The following CNTNAP2 variants were observed in gnomAD, a reference collection of about 807,000 sequenced individuals.
The protein encoded by CNTNAP2 is contactin associated protein 2, also known as contactin-associated protein-like 2.
CNTNAP2 carries 98 observed loss-of-function variants against 155.2 expected under a neutral mutation model. That is an observed-to-expected ratio of 0.63 (90% confidence interval 0.54 to 0.75). CNTNAP2 has a LOEUF of 0.75. CNTNAP2 is among the 30% of genes least tolerant of loss of function. The pLI is 0.00. For synonymous variants in CNTNAP2, 651 were observed against 631.2 expected, an observed-to-expected ratio of 1.03 and a Z score of -0.47; for missense variants, 1,727 against 1,688.1, an observed-to-expected ratio of 1.02 and a Z score of -0.40.
At chr7:147,040,231 G>A (rs999977587) in intron 3 of CNTNAP2, among the ~76,000 whole-genome samples, 21 of 152,086 alleles carry the variant, frequency 1.4e-4, no homozygotes, top group Non-Finnish European at 1.5e-5. Context: ...CATGAAAACT[G>A]CAACTCTGTC....
At chr7:147,151,155 G>C (rs1489891933) in intron 8 of CNTNAP2, among the ~76,000 whole-genome samples, 2 of 152,196 alleles carry the variant, frequency 1.3e-5, no homozygotes, top group Non-Finnish European at 2.9e-5. Flanking sequence ...GGATATGTGA[G>C]AGTATCCAAG....
At chr7:146,643,000 G>A (rs1253363332) in intron 1 of CNTNAP2, among the ~76,000 whole-genome samples, 1 of 142,802 alleles carries the variant, frequency 7.0e-6, no homozygotes, top group Admixed American at 6.8e-5. Context: ...ACTTTTTGAT[G>A]GGGTTTTTTG....
At chr7:147,622,180 A>G (rs763249347) in intron 12 of CNTNAP2, among the ~76,000 whole-genome samples, 7 of 152,040 alleles carry the variant, frequency 4.6e-5, no homozygotes, top group Non-Finnish European at 7.4e-5. Context: ...CCCCAATACA[A>G]TAATAACTAG....
intron 19 of CNTNAP2, among the ~76,000 whole-genome samples, chr7:148,223,090 T>C (rs930198031): frequency 6.6e-6 from 1 of 152,196 alleles, no homozygotes; most frequent in African/African-American, 2.4e-5. Context: ...GAGAAACTCA[T>C]TACCCCTCAA....
intron 9 of CNTNAP2, among the ~76,000 whole-genome samples, chr7:147,377,228 G>A (rs1471389464): frequency 2.7e-5 from 4 of 148,440 alleles, no homozygotes; most frequent in Non-Finnish European, 4.5e-5. Flanking sequence ...AGTATTTTAG[G>A]GATTATCCTT....
chr7:148,365,510 C>A (rs1339255537), intron 21 of CNTNAP2, among the ~76,000 whole-genome samples: 1 of 152,020 alleles, frequency 6.6e-6, no homozygotes, highest in East Asian at 1.9e-4. Flanking sequence ...ACTAAAAATA[C>A]AAAAATTAGC....
Position 146,881,962 on chromosome 7 carries a change from C to T in CNTNAP2, c.402+42058C>T, listed in dbSNP as rs111342468. Among the ~76,000 whole-genome samples the T allele has an allele frequency of 2.9e-3, 443 of 152,026 alleles. 2 individuals carry two copies. Among genetic ancestry groups the T allele is most frequent in the Non-Finnish European group, 5.1e-3 (349 of 67,956 alleles). On this transcript the variant is annotated intron_variant, in intron 3 of 23. Transcript: ENST00000361727. ...GTTAGTTTTTCAACTCTTGCCTCCT[C>T]CTTCTCTCCTTCCTCTGCTGGTCTC...
At chr7:147,118,802 A>G (rs1163907781) in intron 5 of CNTNAP2, among the ~76,000 whole-genome samples, 1 of 152,208 alleles carries the variant, frequency 6.6e-6, no homozygotes, top group African/African-American at 2.4e-5. Context: ...TAACACCATT[A>G]TATATGAAGC....
intron 18 of CNTNAP2, among the ~76,000 whole-genome samples, chr7:148,198,938 T>C (rs772780819): frequency 2.0e-5 from 3 of 151,986 alleles, no homozygotes; most frequent in Non-Finnish European, 4.4e-5. Flanking sequence ...AGGGAGGTCA[T>C]TGGGGATGGA....
chr7:146,603,391 G>A (rs1017215163), intron 1 of CNTNAP2, among the ~76,000 whole-genome samples: 2 of 149,902 alleles, frequency 1.3e-5, no homozygotes, highest in Non-Finnish European at 3.0e-5. Context: ...CAGCCTGGGG[G>A]ACAGAGTGAG....
intron 1 of CNTNAP2, among the ~76,000 whole-genome samples, chr7:146,608,798 G>A (rs1333052270): frequency 1.3e-5 from 2 of 151,592 alleles, no homozygotes; most frequent in Non-Finnish European, 2.9e-5. Flanking sequence ...CTTTTTTGGG[G>A]GATGATCTCC....
intron 13 of CNTNAP2, among the ~76,000 whole-genome samples, chr7:147,825,554 ATAG>A (rs1462848936): frequency 6.6e-6 from 1 of 152,346 alleles, no homozygotes; most frequent in South Asian, 2.1e-4. Flanking sequence ...ATGTATGATA[ATAG>A]TATTCTCCAA....
chr7:147,615,821 A>G (rs1026155990), intron 12 of CNTNAP2, among the ~76,000 whole-genome samples: 4 of 152,248 alleles, frequency 2.6e-5, no homozygotes, highest in Middle Eastern at 3.4e-3. Context: ...AAATTCAATA[A>G]TTAATTTAGT....
chr7:146,451,149 T>C (rs894718331), intron 1 of CNTNAP2, among the ~76,000 whole-genome samples: 6 of 152,144 alleles, frequency 3.9e-5, no homozygotes, highest in Admixed American at 2.0e-4. Flanking sequence ...GGTTTCACCG[T>C]GTTAGCCATG....
intron 1 of CNTNAP2, among the ~76,000 whole-genome samples, chr7:146,760,408 CCTT>C (rs1802074155): frequency 1.3e-5 from 1 of 78,868 alleles, no homozygotes; most frequent in Non-Finnish European, 2.3e-5. Flanking sequence ...CTCCAATTTA[CCTT>C]TTTTTTTTTT....
intron 8 of CNTNAP2, among the ~76,000 whole-genome samples, chr7:147,251,448 A>G (rs1419724725): frequency 6.6e-6 from 1 of 152,156 alleles, no homozygotes; most frequent in African/African-American, 2.4e-5. Flanking sequence ...GTAGGTAGGT[A>G]GGTAGGTAGG....
rs71165020 is a variant in CNTNAP2 at position 146,622,243 on chromosome 7, ATATC to A, written c.98-151992_98-151989del. 2.9e-3 allele frequency among the ~76,000 whole-genome samples: 424 copies of A among 144,396 alleles called. 2 individuals are homozygous for A. The highest frequency in any genetic ancestry group is 7.4e-3 in the Middle Eastern group (2 of 270). 94.7% of individuals were successfully genotyped at this position (144,396 alleles called of 152,430 possible). On this transcript the variant is annotated intron_variant, in intron 1 of 23. Transcript: ENST00000361727. ...TGTGTGTATATATATATGTGTGTGT[ATATC>A]TATCTATCTATCTATCTATCTATCT...
intron 1 of CNTNAP2, among the ~76,000 whole-genome samples, chr7:146,648,202 A>G (rs1467521179): frequency 6.6e-6 from 1 of 152,174 alleles, no homozygotes. Flanking sequence ...TATAAGGTAG[A>G]TGTTGTGTTT....
At position 148,172,329 on chromosome 7, in the gene CNTNAP2, A is replaced by G; in HGVS notation, c.2861A>G (p.Lys954Arg). The change falls in exon 18 of 24, where the codon AAG becomes AGG. Residue 954 changes from lysine (K) to arginine (R), a missense_variant. Transcript: ENST00000361727. ...ACACTTGACCTGGAGGAAAGAGCAA[A>G]GGTCACATCTGGGTTCATATCCGGA... ...GVTLDLEERA[K>R]VTSGFISGCS... 1 of 1,614,178 alleles carries G rather than the reference A, an allele frequency of 6.2e-7. No individual in the cohort carries two copies. Among genetic ancestry groups the G allele is most frequent in the Non-Finnish European group, 8.5e-7 (1 of 1,180,040 alleles).
Sources: gnomAD v4.1 joint callset for allele counts (sites outside exome capture counted in the v4.1 genomes callset) on GRCh38, gnomAD v4.1.1 for gene constraint, MANE v1.5 for transcripts, NCBI Gene and HGNC (gene_info 2026-07-23, HGNC 2026-07-21) for gene names.